TENM1: variants seen among roughly 807,000 people sequenced by gnomAD.
TENM1 encodes the protein teneurin transmembrane protein 1, also known as teneurin-1.
Under a neutral mutation model 174.8 loss-of-function variants are expected in TENM1, and 35 were observed. The observed-to-expected ratio is 0.20, with a 90% confidence interval of 0.15 to 0.27. The LOEUF is 0.27. TENM1 is among the 10% of genes least tolerant of loss of function. The pLI, the probability that TENM1 is intolerant of heterozygous loss-of-function variation, is 1.00. For synonymous variants in TENM1, 781 were observed against 798.7 expected, an observed-to-expected ratio of 0.98 and a Z score of 0.37; for missense variants, 1,633 against 2,130.1, an observed-to-expected ratio of 0.77 and a Z score of 4.59.
At chrX:124,648,299 G>A (rs1398513553) in intron 8 of TENM1, among the ~76,000 whole-genome samples, 1 of 112,411 alleles carries the variant, frequency 8.9e-6, no homozygotes, top group Non-Finnish European at 1.9e-5. Flanking sequence ...TAGTCCATTT[G>A]GGGGATTCTT....
At chrX:124,842,166 A>G (rs2056515744) in intron 3 of TENM1, among the ~76,000 whole-genome samples, 1 of 111,251 alleles carries the variant, frequency 9.0e-6, no homozygotes, top group Admixed American at 9.6e-5. Flanking sequence ...CTCTCAGTCT[A>G]CTGCCTAGAA....
At chrX:125,007,809 T>G in the TENM1 span, among the ~76,000 whole-genome samples, 1 of 111,227 alleles carries the variant, frequency 9.0e-6, no homozygotes, top group African/African-American at 3.3e-5. Context: ...AGAAATAAAA[T>G]ACTTTCCAGA....
At chrX:124,860,334 G>A (rs7055582) in intron 3 of TENM1, among the ~76,000 whole-genome samples, 2,527 of 111,537 alleles carry the variant, frequency 0.023, 63 homozygotes, top group African/African-American at 0.078. Context: ...GTAGTGCTAC[G>A]GCATTAAAGT....
the TENM1 span, among the ~76,000 whole-genome samples, chrX:125,030,146 G>T: frequency 8.9e-6 from 1 of 111,809 alleles, no homozygotes; most frequent in Non-Finnish European, 1.9e-5. Flanking sequence ...TTAATGTTTT[G>T]AGAGTTCACA....
chrX:125,196,651 G>T, the TENM1 span, among the ~76,000 whole-genome samples: 1 of 111,772 alleles, frequency 8.9e-6, no homozygotes, highest in Non-Finnish European at 1.9e-5. Context: ...GGTTGAGAAG[G>T]CTTCCAGCCA....
the TENM1 span, among the ~76,000 whole-genome samples, chrX:125,191,598 A>G: frequency 1.8e-5 from 2 of 112,141 alleles, no homozygotes; most frequent in Non-Finnish European, 3.8e-5. Flanking sequence ...GGTCTGAATG[A>G]AAATTAAATG....
At chrX:124,729,659 G>A (rs1190987904) in intron 4 of TENM1, among the ~76,000 whole-genome samples, 2 of 112,353 alleles carry the variant, frequency 1.8e-5, no homozygotes, top group African/African-American at 6.5e-5. Flanking sequence ...GGAGGGCTCA[G>A]GGCAGGGCCC....
chrX:125,188,378 G>GAAAGA, the TENM1 span, among the ~76,000 whole-genome samples: 1,864 of 108,208 alleles, frequency 0.017, 50 homozygotes, highest in African/African-American at 0.058. Flanking sequence ...AATAACAAAG[G>GAAAGA]AAAGAAAAGA....
At chrX:125,012,265 T>C in the TENM1 span, among the ~76,000 whole-genome samples, 2 of 111,697 alleles carry the variant, frequency 1.8e-5, no homozygotes, top group Admixed American at 1.9e-4. Context: ...GACGGATTGA[T>C]AGGTACAGCA....
At chrX:124,472,383 GTTT>G (rs374842150) in intron 22 of TENM1, among the ~76,000 whole-genome samples, 1 of 78,261 alleles carries the variant, frequency 1.3e-5, no homozygotes, top group Non-Finnish European at 2.5e-5. Flanking sequence ...GTACTCCTGG[GTTT>G]TTTTTTTTTT....
At chrX:124,726,487 G>T (rs941541711) in intron 4 of TENM1, among the ~76,000 whole-genome samples, 1 of 112,221 alleles carries the variant, frequency 8.9e-6, no homozygotes, top group African/African-American at 3.2e-5. Flanking sequence ...AGGCTGAAAA[G>T]CTTGGTTGAG....
the TENM1 span, among the ~76,000 whole-genome samples, chrX:125,097,030 T>C: frequency 9.0e-6 from 1 of 111,590 alleles, no homozygotes; most frequent in Non-Finnish European, 1.9e-5. Context: ...AGTGGAACTC[T>C]GTTGTGTGTG....
intron 23 of TENM1, among the ~76,000 whole-genome samples, chrX:124,425,107 A>C (rs1292222099): frequency 1.8e-5 from 2 of 111,939 alleles, no homozygotes; most frequent in East Asian, 5.6e-4. Flanking sequence ...AGTACTCCAC[A>C]GTGTATATGT....
At chrX:124,458,988 T>C (rs1283113301) in intron 22 of TENM1, among the ~76,000 whole-genome samples, 1 of 112,215 alleles carries the variant, frequency 8.9e-6, no homozygotes, top group African/African-American at 3.2e-5. Context: ...CAGGAGACTA[T>C]AAAACAGACA....
intron 23 of TENM1, among the ~76,000 whole-genome samples, chrX:124,449,185 T>C (rs965511329): frequency 4.5e-5 from 5 of 111,564 alleles, no homozygotes; most frequent in African/African-American, 1.6e-4. Flanking sequence ...CAACCTCCCC[T>C]GCCTCCAAAA....
chrX:125,113,477 T>C, the TENM1 span, among the ~76,000 whole-genome samples: 1 of 111,116 alleles, frequency 9.0e-6, no homozygotes, highest in Non-Finnish European at 1.9e-5. Context: ...GCAAATTGGA[T>C]AAAGAGTCAA....
chrX:124,942,447 G>C (rs1022539756), intron 1 of TENM1, among the ~76,000 whole-genome samples: 1 of 111,332 alleles, frequency 9.0e-6, no homozygotes, highest in Non-Finnish European at 1.9e-5. Flanking sequence ...TTTCCCCCCC[G>C]CCCCGCAGGG....
intron 3 of TENM1, among the ~76,000 whole-genome samples, chrX:124,783,308 A>C (rs920767298): frequency 3.6e-5 from 4 of 112,018 alleles, no homozygotes; most frequent in African/African-American, 1.3e-4. Context: ...AAGAATACTC[A>C]TCTCTCAGAG....
intron 22 of TENM1, 38 bp downstream of exon 25, chrX:124,481,694 G>GATATAT: frequency 7.2e-6 from 1 of 138,035 alleles, no homozygotes; most frequent in Non-Finnish European, 1.1e-5. Flanking sequence ...ATGACCCAAG[G>GATATAT]GTATATATAT....
Sources: gnomAD v4.1 joint callset for allele counts (sites outside exome capture counted in the v4.1 genomes callset) on GRCh38, gnomAD v4.1.1 for gene constraint, MANE v1.5 for transcripts, NCBI Gene and HGNC (gene_info 2026-07-23, HGNC 2026-07-21) for gene names.